FPGT: variants seen among roughly 807,000 people sequenced by gnomAD.
FPGT encodes the protein fucose-1-phosphate guanylyltransferase.
FPGT carries 41 observed loss-of-function variants against 45.8 expected under a neutral mutation model. The ratio of observed to expected loss-of-function variants is 0.90; its 90% CI spans 0.70 to 1.16. The LOEUF (loss-of-function observed/expected upper bound fraction) is 1.16, where lower values mean the gene tolerates loss of function less well. Among genes scored for constraint, FPGT ranks in the 50% most tolerant of loss-of-function variants. FPGT has a pLI of 0.00. For synonymous variants in FPGT, 292 were observed against 247.2 expected, an observed-to-expected ratio of 1.18 and a Z score of -1.70; for missense variants, 755 against 689.1, an observed-to-expected ratio of 1.10 and a Z score of -1.07.
rs1300934851 is a variant in FPGT, at chr1:74,205,617, A to G, written c.1570A>G (p.Thr524Ala). 1.9e-6 allele frequency: 3 copies of G among 1,612,642 alleles called. No individual in the cohort carries two copies. Among genetic ancestry groups the G allele is most frequent in the Non-Finnish European group, 2.5e-6 (3 of 1,178,772 alleles). Residue 524 changes from threonine to alanine, a missense_variant, in exon 4 of 4, where the codon ACT becomes GCT. Transcript: ENST00000370898. ...SGNKTCLSLW[T>A]ARIFPVCSSL... ...TAACAAGACATGTCTGAGTTTGTGG[A>G]CTGCACGCATTTTCCCAGTTTGTTC...
rs759467099 is a variant in FPGT at position 74,205,658 on chromosome 1, A to G, written c.1611A>G (p.Ser537=). ...IFPVCSSLSD[S]VITSLKMLNA... is the part of the protein sequence containing the mutation. ...CAGTTTGTTCTTCTTTGAGTGACTC[A>G]GTTATAACATCCCTAAAGATGTTAA... is the stretch of plus-strand genomic sequence containing the variant. The change falls in exon 4 of 4, where the codon TCA becomes TCG. Residue 537 remains serine, a synonymous_variant. Transcript: ENST00000370898. 3.1e-6 allele frequency: 5 copies of G among 1,611,438 alleles called. No individual in the cohort carries two copies. In the Admixed American group the frequency reaches 5.0e-5, roughly 16 times the overall value.
chr1:74,205,426 T>C lies in FPGT; in HGVS notation c.1379T>C (p.Met460Thr), dbSNP rs974545930. 1 of 1,613,852 alleles carries C rather than the reference T, an allele frequency of 6.2e-7. No homozygotes were observed. Among genetic ancestry groups the C allele is most frequent in the Non-Finnish European group, 8.5e-7 (1 of 1,179,716 alleles). ...HSFVCSLSLK[M>T]NRCLKYATMA... ...TTTGTATGTTCCTTAAGCTTAAAGA[T>C]GAATAGATGCTTAAAGTATGCAACT... Residue 460 changes from methionine to threonine, a missense_variant, in exon 4 of 4, where the codon ATG becomes ACG. Coordinates refer to ENST00000370898, the MANE Select transcript of FPGT (RefSeq NM_003838.5).
Position 74,201,366 on chromosome 1 carries a change from A to G in FPGT, c.299A>G (p.Tyr100Cys), listed in dbSNP as rs554642678. 29 of 1,611,574 alleles carry G rather than the reference A, an allele frequency of 1.8e-5. No homozygotes were observed. The highest frequency in any genetic ancestry group is 1.7e-4 in the Middle Eastern group (1 of 6,048). The change falls in exon 3 of 4, where the codon TAT (tyrosine) becomes TGT (cysteine). Residue 100 changes from tyrosine (Y) to cysteine (C), a missense_variant. Transcript: ENST00000370898. Reference sequence around the variant, plus strand: ...GCCCTTCAATGTTTGGAAAAGCTATATGGAGATAAATGGAATTCTTTTACC... The same window carrying G: ...GCCCTTCAATGTTTGGAAAAGCTATGTGGAGATAAATGGAATTCTTTTACC... ...LCALQCLEKL[Y>C]GDKWNSFTIL...
chr1:74,206,249 G>A lies in FPGT; in HGVS notation c.*417G>A, dbSNP rs924149250. ...AATAATAAAAATGGCATACTGTAGGGTCTTCAGAGTAGTGTAGGAATACTG... is the reference window on the plus strand; with the variant it reads ...AATAATAAAAATGGCATACTGTAGGATCTTCAGAGTAGTGTAGGAATACTG... On this transcript the variant is annotated 3_prime_UTR_variant, in exon 4 of 4. Transcript: ENST00000370898. The A allele has an allele frequency of 5.8e-5, 9 of 155,688 alleles. No homozygotes were observed. The highest frequency in any genetic ancestry group is 2.2e-4 in the African/African-American group (9 of 41,428). 9.6% of individuals were successfully genotyped at this position (155,688 alleles called of 1,614,324 possible). A position where few individuals can be genotyped will look rare whatever the true frequency, so the allele number is the denominator to read the frequency against.
chr1:74,205,185 G>C lies in FPGT; in HGVS notation c.1138G>C (p.Gly380Arg), dbSNP rs748992201. 1 of 1,613,834 alleles carries C rather than the reference G, an allele frequency of 6.2e-7. No homozygotes were observed. The highest frequency in any genetic ancestry group is 1.1e-5 in the South Asian group (1 of 91,050). The change falls in exon 4 of 4, where the codon GGC (glycine) becomes CGC (arginine). Residue 380 changes from glycine to arginine, a missense_variant. By Grantham distance (125) the Gly-to-Arg change is moderately radical. Coordinates refer to ENST00000370898, the MANE Select transcript of FPGT (RefSeq NM_003838.5). ...TSDNSLKSEL[G>R]LQSITFSIFP... is the part of the protein sequence containing the mutation. ...AGATAACAGTTTAAAGTCAGAGCTC[G>C]GCTTACAGTCCATAACTTTTAGTAT... is the stretch of plus-strand genomic sequence containing the variant.
At position 74,207,489 on chromosome 1, in the gene FPGT, T is replaced by C. The variant is rs1249084899; in HGVS notation, c.*1657T>C. On this transcript the variant is annotated 3_prime_UTR_variant, in exon 4 of 4. Transcript: ENST00000370898. ...CATTTCCTGAGTGCTCTACCACACT[T>C]ATGTCTGGATTTTTTTTACCCAGCT... is the stretch of plus-strand genomic sequence containing the variant. Among the ~76,000 whole-genome samples, 1 of 152,032 alleles carries C rather than the reference T, an allele frequency of 6.6e-6. No individual in the cohort carries two copies. The highest frequency in any genetic ancestry group is 1.5e-5 in the Non-Finnish European group (1 of 67,958).
At chr1:74,203,642 C>T (rs930325766) in intron 3 of FPGT, among the ~76,000 whole-genome samples, 3 of 152,026 alleles carry the variant, frequency 2.0e-5, no homozygotes, top group Non-Finnish European at 2.9e-5. Context: ...CTGCCTGCCT[C>T]GGCCTCCCAA....
Position 74,207,329 on chromosome 1 carries a change from A to C in FPGT, c.*1497A>C, listed in dbSNP as rs1280936678. ...TTGCATATACATATAAAATAACAAA[A>C]AAATAAAATATTGAGATATCATCAA... On this transcript the variant is annotated 3_prime_UTR_variant, in exon 4 of 4. Coordinates refer to ENST00000370898, the MANE Select transcript of FPGT (RefSeq NM_003838.5). 1.3e-5 allele frequency: 2 copies of C among 152,130 alleles called. No individual in the cohort carries two copies. Among genetic ancestry groups the C allele is most frequent in the African/African-American group, 4.8e-5 (2 of 41,452 alleles). 9.4% of individuals were successfully genotyped at this position (152,130 alleles called of 1,614,324 possible). A position where few individuals can be genotyped will look rare whatever the true frequency, so the allele number is the denominator to read the frequency against.
In FPGT at chr1:74,206,569, A is replaced by G. The variant is rs1652300246; in HGVS notation, c.*737A>G. 6.6e-6 allele frequency: 1 copy of G among 152,116 alleles called. No individual in the cohort carries two copies. Among genetic ancestry groups the G allele is most frequent in the African/African-American group, 2.4e-5 (1 of 41,456 alleles). The allele number at this position is 152,116 out of a possible 1,614,324, so 9.4% of individuals were successfully genotyped here. A position where few individuals can be genotyped will look rare whatever the true frequency, so the allele number is the denominator to read the frequency against. On this transcript the variant is annotated 3_prime_UTR_variant, in exon 4 of 4. Coordinates refer to ENST00000370898, the MANE Select transcript of FPGT (RefSeq NM_003838.5). The stretch of plus-strand genomic sequence containing the variant: ...AAAGTGGTAGTAATAATTGAGATTC[A>G]TCAATAATCATATAATTTCACTATA...
intron 3 of FPGT, among the ~76,000 whole-genome samples, chr1:74,201,641 G>C (rs1196069559): frequency 1.3e-5 from 2 of 152,026 alleles, no homozygotes; most frequent in African/African-American, 4.8e-5. Flanking sequence ...TATATCGTCA[G>C]TCTTTTATGA....
At chr1:74,202,437 T>C (rs1651882990) in intron 3 of FPGT, among the ~76,000 whole-genome samples, 1 of 152,214 alleles carries the variant, frequency 6.6e-6, no homozygotes. Context: ...TACAATTTTA[T>C]TTAAGAAAAT....
In FPGT at chr1:74,206,982, G is replaced by C. The variant is rs951755302; in HGVS notation, c.*1150G>C. ...AGAAGTAACTTGTCCACAACCCTCA[G>C]TTATGATACTTATGTGCGTGTTTTT... On this transcript the variant is annotated 3_prime_UTR_variant, in exon 4 of 4. Transcript: ENST00000370898. The C allele has an allele frequency of 1.3e-5, 2 of 151,904 alleles. No individual in the cohort carries two copies. The highest frequency in any genetic ancestry group is 4.8e-5 in the African/African-American group (2 of 41,374). 9.4% of individuals were successfully genotyped at this position (151,904 alleles called of 1,614,324 possible).
At position 74,198,446 on chromosome 1, in the gene FPGT, C is replaced by G. The variant is rs543637299; in HGVS notation, c.82+86C>G. On this transcript the variant is annotated intron_variant, in intron 1 of 3. Coordinates refer to ENST00000370898, the MANE Select transcript of FPGT (RefSeq NM_003838.5). ...CAGGAGGTTTGCTGGACTGTCACTT[C>G]CCGTTTACTTCTCATCTGTAGGCCT... is the stretch of plus-strand genomic sequence containing the variant. The G allele has an allele frequency of 1.9e-6, 3 of 1,558,758 alleles. No homozygotes were observed. In the South Asian group the frequency reaches 3.5e-5, roughly 18 times the overall value.
intron 1 of FPGT, 90 bp from the exon 2 acceptor site, chr1:74,199,574 C>T: frequency 7.1e-7 from 1 of 1,399,628 alleles, no homozygotes. Context: ...TGGATATTAC[C>T]TTCTTTATCA....
chr1:74,199,701 T>C lies in FPGT; in HGVS notation c.120T>C (p.Val40=). 1 of 1,613,994 alleles carries C rather than the reference T, an allele frequency of 6.2e-7. No homozygotes were observed. The highest frequency in any genetic ancestry group is 8.5e-7 in the Non-Finnish European group (1 of 1,179,958). The change falls in exon 2 of 4, where the codon GTT becomes GTC. Residue 40 remains valine, a synonymous_variant. Transcript: ENST00000370898. ...LVARGEFWDI[V]AITAADEKQE... ...CACGTGGAGAATTCTGGGACATAGT[T>C]GCAATAACAGCGGCTGATGAAAAAC...
In FPGT at chr1:74,199,806, T is replaced by C. The variant is rs1273215532; in HGVS notation, c.225T>C (p.Phe75=). Residue 75 remains phenylalanine, a synonymous_variant, in exon 2 of 4, where the codon TTT becomes TTC. Coordinates refer to ENST00000370898, the MANE Select transcript of FPGT (RefSeq NM_003838.5). ...ELPLGVQYHV[F]VDPAGAKIGN... Reference sequence around the variant, plus strand: ...CCCTTGGAGTTCAATATCACGTTTTTGTGGATCCTGCTGGAGCCAAAATTG... The same window carrying C: ...CCCTTGGAGTTCAATATCACGTTTTCGTGGATCCTGCTGGAGCCAAAATTG... The C allele has an allele frequency of 1.2e-6, 2 of 1,614,026 alleles. No homozygotes were observed. The highest frequency in any genetic ancestry group is 2.7e-5 in the African/African-American group (2 of 74,936).
intron 3 of FPGT, 88 bp downstream of exon 3, chr1:74,201,498 T>C (rs1386809800): frequency 1.3e-6 from 1 of 772,022 alleles, no homozygotes; most frequent in Non-Finnish European, 2.0e-6. Flanking sequence ...GCAAACACTT[T>C]CCTTCTTTTT....
In FPGT at chr1:74,208,431, A is replaced by G. The variant is rs950842075; in HGVS notation, c.*2599A>G. Among the ~76,000 whole-genome samples the G allele has an allele frequency of 2.6e-5, 4 of 152,040 alleles. No homozygotes were observed. Among genetic ancestry groups the G allele is most frequent in the Non-Finnish European group, 5.9e-5 (4 of 67,952 alleles). On this transcript the variant is annotated 3_prime_UTR_variant, in exon 4 of 4. Coordinates refer to ENST00000370898, the MANE Select transcript of FPGT (RefSeq NM_003838.5). ...CAGTAGAAAAATAAGACCTACATGG[A>G]TAAGTTTGAAATTAAACATTTTGTC...
intron 2 of FPGT, chr1:74,200,825 A>G (rs1651725236): frequency 6.4e-6 from 1 of 155,404 alleles, no homozygotes; most frequent in African/African-American, 2.4e-5. Flanking sequence ...TGAGGTACTC[A>G]AGAGTTAAGT....
Sources: gnomAD v4.1 joint callset for allele counts (sites outside exome capture counted in the v4.1 genomes callset) on GRCh38, gnomAD v4.1.1 for gene constraint, MANE v1.5 for transcripts, NCBI Gene and HGNC (gene_info 2026-07-23, HGNC 2026-07-21) for gene names.